Variants in FGD5 observed in about 807,000 individuals in gnomAD.
The protein encoded by FGD5 is FYVE, RhoGEF and PH domain containing 5.
A neutral mutation model predicts 133.4 loss-of-function variants in FGD5; 28 were observed. The observed-to-expected ratio is 0.21, with a 90% CI of 0.16 to 0.29. FGD5 has a LOEUF of 0.29. Ranked by LOEUF, FGD5 falls within the 10% of genes least tolerant of loss-of-function variation. The probability of loss-of-function intolerance (pLI) is 1.00; values close to 1 mark genes in which losing one functional copy is unlikely to be tolerated. For missense variants in FGD5, 1,858 were observed against 1,895.2 expected, an observed-to-expected ratio of 0.98 and a Z score of 0.36; for synonymous variants, 810 against 776.5, an observed-to-expected ratio of 1.04 and a Z score of -0.72.
At chr3:14,907,028 G>T (rs906353482) in intron 9 of FGD5, among the ~76,000 whole-genome samples, 2 of 152,152 alleles carry the variant, frequency 1.3e-5, no homozygotes, top group African/African-American at 4.8e-5. Context: ...ACTTTTCAGG[G>T]CAAATTCTCT....
intron 1 of FGD5, among the ~76,000 whole-genome samples, chr3:14,813,926 G>A (rs866133913): frequency 1.3e-5 from 2 of 152,170 alleles, no homozygotes; most frequent in African/African-American, 4.8e-5. Context: ...GGTGCCAGGG[G>A]GCTGGCTGGG....
At chr3:14,894,505 CTTT>C (rs55912541) in intron 4 of FGD5, among the ~76,000 whole-genome samples, 22 of 127,200 alleles carry the variant, frequency 1.7e-4, no homozygotes, top group Non-Finnish European at 2.1e-4. Context: ...TTTGTTAGTT[CTTT>C]TTTTTTTTTT....
chr3:14,825,711 TAAAAA>T (rs796472516), intron 1 of FGD5, among the ~76,000 whole-genome samples: 10 of 147,142 alleles, frequency 6.8e-5, no homozygotes, highest in Admixed American at 1.4e-4. Flanking sequence ...GATGCTCACT[TAAAAA>T]AAAAAAGTTT....
intron 4 of FGD5, among the ~76,000 whole-genome samples, chr3:14,886,846 G>A (rs796401151): frequency 9.2e-5 from 14 of 152,270 alleles, no homozygotes; most frequent in African/African-American, 3.1e-4. Context: ...ATCTCCTGCT[G>A]CTGATTTCTA....
intron 11 of FGD5, among the ~76,000 whole-genome samples, chr3:14,912,298 C>T (rs1230344240): frequency 5.3e-5 from 8 of 152,116 alleles, no homozygotes; most frequent in Non-Finnish European, 7.4e-5. Flanking sequence ...ACTAGGTGAC[C>T]CAAGTCCAGA....
At chr3:14,862,931 G>A (rs540370034) in intron 1 of FGD5, among the ~76,000 whole-genome samples, 44 of 152,262 alleles carry the variant, frequency 2.9e-4, no homozygotes, top group Admixed American at 9.2e-4. Flanking sequence ...TCTGGGGTTG[G>A]GTACCTGCGG....
chr3:14,878,898 A>G (rs9833727), intron 2 of FGD5, among the ~76,000 whole-genome samples: 4,011 of 152,174 alleles, frequency 0.026, 184 homozygotes, highest in African/African-American at 0.088. Context: ...TAGTAGAGAC[A>G]GGGTTTCGCT....
chr3:14,832,825 A>C (rs969112011), intron 1 of FGD5, among the ~76,000 whole-genome samples: 1 of 152,142 alleles, frequency 6.6e-6, no homozygotes, highest in East Asian at 1.9e-4. Context: ...GCCTACAGAG[A>C]CTGTCCATTT....
intron 2 of FGD5, among the ~76,000 whole-genome samples, chr3:14,873,717 G>A (rs1180111348): frequency 4.6e-5 from 7 of 150,674 alleles, no homozygotes; most frequent in African/African-American, 1.2e-4. Context: ...TAACGTAAGA[G>A]CTACACTTTT....
intron 6 of FGD5, among the ~76,000 whole-genome samples, 164 bp from the exon 7 acceptor site, chr3:14,898,575 C>CAGG (rs1195632218): frequency 6.6e-6 from 1 of 151,998 alleles, no homozygotes. Context: ...CGGGCTAATC[C>CAGG]AGGAGGGCTT....
intron 18 of FGD5, 134 bp downstream of exon 18, chr3:14,926,332 T>C (rs893368489): frequency 5.7e-5 from 64 of 1,122,142 alleles, no homozygotes; most frequent in Admixed American, 1.9e-4. Context: ...GTCAAGTCTT[T>C]AGTGAGCAAT....
chr3:14,854,329 T>A (rs2037228404), intron 1 of FGD5, among the ~76,000 whole-genome samples: 1 of 152,170 alleles, frequency 6.6e-6, no homozygotes, highest in Admixed American at 6.5e-5. Context: ...CAGAATTTCC[T>A]GGAAAGATCC....
At chr3:14,841,749 T>G (rs1239891918) in intron 1 of FGD5, among the ~76,000 whole-genome samples, 2 of 152,100 alleles carry the variant, frequency 1.3e-5, no homozygotes, top group African/African-American at 4.8e-5. Flanking sequence ...CTGGACAGTG[T>G]GAGTGGGGGG....
At chr3:14,874,540 G>A (rs2037678218) in intron 2 of FGD5, among the ~76,000 whole-genome samples, 1 of 152,146 alleles carries the variant, frequency 6.6e-6, no homozygotes, top group Non-Finnish European at 1.5e-5. Context: ...GAGTAGAATA[G>A]TGGTTGCCGG....
At chr3:14,900,691 G>C (rs2038221057) in intron 8 of FGD5, among the ~76,000 whole-genome samples, 1 of 152,204 alleles carries the variant, frequency 6.6e-6, no homozygotes, top group African/African-American at 2.4e-5. Context: ...CGTCAGAGGG[G>C]ATGGGGGAGT....
upstream of FGD5, among the ~76,000 whole-genome samples, chr3:14,816,780 G>T (rs549203860): frequency 2.0e-5 from 3 of 152,302 alleles, no homozygotes; most frequent in South Asian, 6.2e-4. Flanking sequence ...GAAGATTCTG[G>T]GTCATTGTAT....
intron 1 of FGD5, chr3:14,810,929 A>G (rs2036282382): frequency 2.0e-6 from 2 of 983,638 alleles, no homozygotes; most frequent in Admixed American, 6.1e-5. Context: ...CGGGCGCTCC[A>G]AGTTGGAGCT....
Position 14,892,300 on chromosome 3 carries a change from C to T in FGD5, c.2749-5209C>T, listed in dbSNP as rs771598964. ...CACTGCAGTCTCGACCTCCCAGATT[C>T]AAATGATCCTCCCACCTCAGTGTCC... On this transcript the variant is annotated intron_variant, in intron 4 of 19. Transcript: ENST00000285046. Among the ~76,000 whole-genome samples the T allele has an allele frequency of 8.8e-4, 134 of 152,168 alleles. 1 individual carries two copies. In the Middle Eastern group the frequency reaches 0.01, roughly 12 times the overall value.
At chr3:14,875,062 G>A (rs1228198376) in intron 2 of FGD5, among the ~76,000 whole-genome samples, 2 of 152,162 alleles carry the variant, frequency 1.3e-5, no homozygotes, top group East Asian at 1.9e-4. Context: ...GTTGAAGGCT[G>A]TGCTGGAAAC....
Sources: gnomAD v4.1 joint callset for allele counts (sites outside exome capture counted in the v4.1 genomes callset) on GRCh38, gnomAD v4.1.1 for gene constraint, MANE v1.5 for transcripts, NCBI Gene and HGNC (gene_info 2026-07-23, HGNC 2026-07-21) for gene names.